MGAT5: variants seen among roughly 807,000 people sequenced by gnomAD.
MGAT5 encodes the protein alpha-1,6-mannosylglycoprotein 6-beta-N-acetylglucosaminyltransferase A.
In MGAT5, 30 loss-of-function variants were observed where a neutral mutation model predicts 94.3. The observed-to-expected ratio is 0.32, with a 90% confidence interval of 0.24 to 0.43. MGAT5 has a LOEUF of 0.43. Among genes scored for constraint, MGAT5 ranks in the 20% least tolerant of loss-of-function variants. MGAT5 has a pLI of 1.00. For synonymous variants in MGAT5, 310 were observed against 322.9 expected, an observed-to-expected ratio of 0.96 and a Z score of 0.43; for missense variants, 691 against 905.5, an observed-to-expected ratio of 0.76 and a Z score of 3.04.
At chr2:134,379,513 T>C (rs1256589404) in intron 10 of MGAT5, among the ~76,000 whole-genome samples, 2 of 152,182 alleles carry the variant, frequency 1.3e-5, no homozygotes, top group Admixed American at 6.5e-5. Flanking sequence ...AATTAAGTTT[T>C]AGGCAGGCAC....
At chr2:134,165,871 ATGTG>A (rs1687945175) in intron 1 of MGAT5, among the ~76,000 whole-genome samples, 1 of 152,146 alleles carries the variant, frequency 6.6e-6, no homozygotes, top group African/African-American at 2.4e-5. Flanking sequence ...AGCCTGGCAG[ATGTG>A]TGTTAAGATG....
At chr2:134,286,951 A>G (rs1685046783) in intron 2 of MGAT5, among the ~76,000 whole-genome samples, 1 of 152,172 alleles carries the variant, frequency 6.6e-6, no homozygotes, top group Admixed American at 6.5e-5. Flanking sequence ...CCTTGTGTTC[A>G]GATGTTTCCT....
chr2:134,189,849 C>T (rs966044959), intron 1 of MGAT5, among the ~76,000 whole-genome samples: 2 of 151,994 alleles, frequency 1.3e-5, no homozygotes, highest in African/African-American at 4.8e-5. Flanking sequence ...ATCCACCCAC[C>T]TCGGCCTCCC....
intron 11 of MGAT5, among the ~76,000 whole-genome samples, chr2:134,403,520 A>C (rs999491358): frequency 6.6e-6 from 1 of 152,204 alleles, no homozygotes; most frequent in Non-Finnish European, 1.5e-5. Context: ...CTGTTCAAGG[A>C]GTGGGTTTCC....
chr2:134,296,987 C>T (rs912477252), intron 2 of MGAT5, among the ~76,000 whole-genome samples: 8 of 151,578 alleles, frequency 5.3e-5, no homozygotes, highest in African/African-American at 1.9e-4. Context: ...GTGCTTGAAA[C>T]CAAGAGTTTA....
chr2:134,285,726 T>A (rs994892644), intron 2 of MGAT5, among the ~76,000 whole-genome samples: 3 of 152,214 alleles, frequency 2.0e-5, no homozygotes, highest in Non-Finnish European at 4.4e-5. Context: ...AACATGTTTA[T>A]GTTGCTTTTT....
At chr2:134,225,745 G>T in intron 1 of MGAT5, among the ~76,000 whole-genome samples, 1 of 152,134 alleles carries the variant, frequency 6.6e-6, no homozygotes, top group East Asian at 1.9e-4. Context: ...GATAAGTCTG[G>T]TCCAGGGAGA....
chr2:134,332,191 T>C (rs1173527794), intron 4 of MGAT5, among the ~76,000 whole-genome samples: 1 of 151,998 alleles, frequency 6.6e-6, no homozygotes, highest in African/African-American at 2.4e-5. Context: ...CAAACTATAC[T>C]ACAAGGCTAC....
At chr2:134,431,504 C>G (rs1443007389) in intron 14 of MGAT5, among the ~76,000 whole-genome samples, 1 of 152,100 alleles carries the variant, frequency 6.6e-6, no homozygotes, top group Non-Finnish European at 1.5e-5. Flanking sequence ...AGCTCCAGAC[C>G]CCAGTGTTTT....
At chr2:134,295,021 G>T (rs1685589881) in intron 2 of MGAT5, among the ~76,000 whole-genome samples, 1 of 152,162 alleles carries the variant, frequency 6.6e-6, no homozygotes, top group Admixed American at 6.5e-5. Context: ...TACTATCGTG[G>T]CAAAACTGCT....
intron 1 of MGAT5, among the ~76,000 whole-genome samples, chr2:134,248,893 G>A (rs556508708): frequency 1.2e-4 from 19 of 152,110 alleles, no homozygotes; most frequent in African/African-American, 4.3e-4. Flanking sequence ...CATTGGTCTC[G>A]TTCTCACTCC....
chr2:134,237,898 G>A (rs1681747088), intron 1 of MGAT5, among the ~76,000 whole-genome samples: 1 of 151,390 alleles, frequency 6.6e-6, no homozygotes, highest in Non-Finnish European at 1.5e-5. Context: ...TTACAGACGT[G>A]TGCTACCACG....
intron 14 of MGAT5, among the ~76,000 whole-genome samples, chr2:134,428,888 C>T (rs1474401759): frequency 6.6e-6 from 1 of 152,126 alleles, no homozygotes; most frequent in Non-Finnish European, 1.5e-5. Context: ...TCAAATGAAA[C>T]CTTATATGTA....
intron 1 of MGAT5, among the ~76,000 whole-genome samples, chr2:134,167,971 TA>T (rs1688034133): frequency 6.6e-6 from 1 of 152,204 alleles, no homozygotes; most frequent in Non-Finnish European, 1.5e-5. Context: ...TGCAAGCCAT[TA>T]AATCATCCTT....
At chr2:134,131,124 G>A (rs991495771) in intron 1 of MGAT5, among the ~76,000 whole-genome samples, 1 of 152,182 alleles carries the variant, frequency 6.6e-6, no homozygotes, top group Admixed American at 6.5e-5. Context: ...CACTCACTGG[G>A]AAGGTCTGCA....
chr2:134,275,437 AAGAC>A (rs1411468925), intron 2 of MGAT5, among the ~76,000 whole-genome samples: 2 of 152,172 alleles, frequency 1.3e-5, no homozygotes, highest in Admixed American at 6.5e-5. Flanking sequence ...TAGAAGAAGA[AAGAC>A]AGTTCAGAAG....
chr2:134,375,660 G>A (rs141585088), intron 10 of MGAT5, among the ~76,000 whole-genome samples: 4 of 152,286 alleles, frequency 2.6e-5, no homozygotes, highest in East Asian at 1.9e-4. Flanking sequence ...CAGAAATACC[G>A]ACTTGGTCAA....
chr2:134,282,285 CG>C (rs1321186747), intron 2 of MGAT5, among the ~76,000 whole-genome samples: 1 of 152,160 alleles, frequency 6.6e-6, no homozygotes, highest in Non-Finnish European at 1.5e-5. Flanking sequence ...TGTGCCATGC[CG>C]GGCTGGGTGT....
At chr2:134,214,712 G>A (rs1442381195) in intron 1 of MGAT5, among the ~76,000 whole-genome samples, 1 of 152,130 alleles carries the variant, frequency 6.6e-6, no homozygotes, top group African/African-American at 2.4e-5. Flanking sequence ...TAGGAATATA[G>A]GGTGGGGTGG....
Sources: gnomAD v4.1 joint callset for allele counts (sites outside exome capture counted in the v4.1 genomes callset) on GRCh38, gnomAD v4.1.1 for gene constraint, MANE v1.5 for transcripts, NCBI Gene and HGNC (gene_info 2026-07-23, HGNC 2026-07-21) for gene names.